The following DYNC1I1 variants were observed in gnomAD, a reference collection of about 807,000 sequenced individuals.
DYNC1I1 encodes cytoplasmic dynein 1 intermediate chain 1.
Under a neutral mutation model 86.6 loss-of-function variants are expected in DYNC1I1, and 43 were observed. The observed-to-expected ratio is 0.50, with a 90% CI of 0.39 to 0.64. The LOEUF is 0.64. Ranked by LOEUF, DYNC1I1 falls within the 30% of genes least tolerant of loss-of-function variation. The probability of loss-of-function intolerance (pLI) is 0.00; values close to 1 mark genes in which losing one functional copy is unlikely to be tolerated. For missense variants in DYNC1I1, 604 were observed against 788.8 expected, an observed-to-expected ratio of 0.77 and a Z score of 2.81; for synonymous variants, 262 against 283.7, an observed-to-expected ratio of 0.92 and a Z score of 0.77.
intron 6 of DYNC1I1, among the ~76,000 whole-genome samples, chr7:95,931,506 C>T (rs1275163577): frequency 1.9e-5 from 1 of 53,130 alleles, no homozygotes; most frequent in Admixed American, 2.3e-4. Flanking sequence ...GAAAATTCCA[C>T]TTGACTTATT....
chr7:95,995,185 T>C (rs889755923), intron 9 of DYNC1I1, among the ~76,000 whole-genome samples: 9 of 151,826 alleles, frequency 5.9e-5, no homozygotes, highest in African/African-American at 2.2e-4. Flanking sequence ...AGGTGGAGCT[T>C]GTAGTGAGCC....
In DYNC1I1 at chr7:95,933,652, T is replaced by G. The variant is rs1026937397; in HGVS notation, c.491-43860T>G. Among the ~76,000 whole-genome samples the G allele has an allele frequency of 1.1e-4, 16 of 152,220 alleles. No homozygotes were observed. In the South Asian group the frequency reaches 3.1e-3, roughly 30 times the overall value. On this transcript the variant is annotated intron_variant, in intron 6 of 16. Transcript: ENST00000447467. Reference sequence around the variant, plus strand: ...ATTTCTGTTCATGATAGACACACCATTTGAATCCAAACCCTTGCAGAGGTG... The same window carrying G: ...ATTTCTGTTCATGATAGACACACCAGTTGAATCCAAACCCTTGCAGAGGTG...
At chr7:96,041,169 G>A (rs1789036872) in intron 14 of DYNC1I1, among the ~76,000 whole-genome samples, 1 of 152,030 alleles carries the variant, frequency 6.6e-6, no homozygotes, top group African/African-American at 2.4e-5. Context: ...CAGCTTCATG[G>A]GTATTAATGG....
intron 6 of DYNC1I1, among the ~76,000 whole-genome samples, chr7:95,888,721 T>A (rs948665614): frequency 1.3e-5 from 2 of 152,202 alleles, no homozygotes; most frequent in African/African-American, 4.8e-5. Context: ...GGTTTCATTA[T>A]TTGCTGCTGA....
At chr7:95,953,969 C>T (rs562348081) in intron 6 of DYNC1I1, among the ~76,000 whole-genome samples, 1 of 152,112 alleles carries the variant, frequency 6.6e-6, no homozygotes, top group Non-Finnish European at 1.5e-5. Context: ...AAACAGAGAT[C>T]TCATTAATAT....
intron 14 of DYNC1I1, 39 bp downstream of exon 14, chr7:96,039,460 A>G (rs757877819): frequency 6.2e-7 from 1 of 1,612,292 alleles, no homozygotes; most frequent in South Asian, 1.1e-5. Flanking sequence ...ATAATACATA[A>G]GGGCAGAGGA....
intron 2 of DYNC1I1, among the ~76,000 whole-genome samples, chr7:95,805,366 T>G (rs1275809818): frequency 6.6e-6 from 1 of 152,136 alleles, no homozygotes; most frequent in East Asian, 1.9e-4. Context: ...ATATATATTT[T>G]TTATGGTAAA....
chr7:96,090,843 A>C (rs2116313058), intron 16 of DYNC1I1, among the ~76,000 whole-genome samples: 1 of 152,320 alleles, frequency 6.6e-6, no homozygotes, highest in East Asian at 1.9e-4. Context: ...TTTGTGGTAG[A>C]ACACTGTAGT....
At chr7:95,922,443 G>A (rs1733247937) in intron 6 of DYNC1I1, among the ~76,000 whole-genome samples, 4 of 151,948 alleles carry the variant, frequency 2.6e-5, no homozygotes, top group Non-Finnish European at 5.9e-5. Flanking sequence ...TATTTTGCTC[G>A]GTTTGCCTTT....
chr7:95,960,988 G>A (rs553793955), intron 6 of DYNC1I1, among the ~76,000 whole-genome samples: 1 of 152,370 alleles, frequency 6.6e-6, no homozygotes, highest in South Asian at 2.1e-4. Flanking sequence ...CAGTGGCTTG[G>A]CTGGAAGCCA....
At chr7:95,812,443 G>A (rs981342410) in intron 3 of DYNC1I1, among the ~76,000 whole-genome samples, 3 of 152,108 alleles carry the variant, frequency 2.0e-5, no homozygotes, top group Admixed American at 6.6e-5. Context: ...TATTATGCCT[G>A]CTCTCAGATT....
intron 5 of DYNC1I1, among the ~76,000 whole-genome samples, chr7:95,843,146 T>C (rs1222896159): frequency 6.6e-6 from 1 of 152,202 alleles, no homozygotes; most frequent in Non-Finnish European, 1.5e-5. Context: ...CTATTCTTAT[T>C]CTTGTGTAAA....
In DYNC1I1 at chr7:96,076,147, G is replaced by A. The variant is rs2116246543; in HGVS notation, c.1600G>A (p.Val534Met). The A allele has an allele frequency of 6.2e-7, 1 of 1,614,176 alleles. No individual in the cohort carries two copies. The highest frequency in any genetic ancestry group is 1.1e-5 in the South Asian group (1 of 91,088). ...SPVHPALFAC[V>M]DGMGRLDLWN... is the part of the protein sequence containing the mutation. ...CGTGCATCCTGCGCTTTTTGCCTGCGTGGACGGGATGGGGCGCTTGGACCT... is the reference window on the plus strand; with the variant it reads ...CGTGCATCCTGCGCTTTTTGCCTGCATGGACGGGATGGGGCGCTTGGACCT... The change falls in exon 15 of 17, where the codon GTG becomes ATG. Residue 534 changes from valine (V) to methionine (M), a missense_variant. Coordinates refer to ENST00000447467, the MANE Select transcript of DYNC1I1 (RefSeq NM_001135556.2).
intron 4 of DYNC1I1, among the ~76,000 whole-genome samples, chr7:95,817,601 C>T (rs917657885): frequency 2.0e-5 from 3 of 151,960 alleles, no homozygotes; most frequent in Non-Finnish European, 2.9e-5. Flanking sequence ...TTTTTAGATC[C>T]TCTCATAGAA....
At chr7:95,999,890 C>T (rs1442269962) in intron 10 of DYNC1I1, among the ~76,000 whole-genome samples, 1 of 152,020 alleles carries the variant, frequency 6.6e-6, no homozygotes, top group Non-Finnish European at 1.5e-5. Flanking sequence ...TTTGTCCCTC[C>T]CCCAACCCAG....
chr7:95,882,374 G>T (rs1197038343), intron 6 of DYNC1I1, among the ~76,000 whole-genome samples: 1 of 152,124 alleles, frequency 6.6e-6, no homozygotes, highest in Non-Finnish European at 1.5e-5. Flanking sequence ...GCTTTGGGAG[G>T]TGTCTATTTT....
chr7:96,071,518 A>C (rs1790159119), intron 14 of DYNC1I1, among the ~76,000 whole-genome samples: 1 of 152,172 alleles, frequency 6.6e-6, no homozygotes, highest in Non-Finnish European at 1.5e-5. Context: ...CAGATAATAT[A>C]ATTATAGTCC....
intron 10 of DYNC1I1, among the ~76,000 whole-genome samples, chr7:96,024,001 C>T (rs995920458): frequency 6.6e-6 from 1 of 152,126 alleles, no homozygotes; most frequent in African/African-American, 2.4e-5. Context: ...TAACGTAACA[C>T]TGTCTTTGTG....
At chr7:96,027,628 G>T (rs1794712413) in intron 10 of DYNC1I1, among the ~76,000 whole-genome samples, 1 of 152,146 alleles carries the variant, frequency 6.6e-6, no homozygotes, top group Non-Finnish European at 1.5e-5. Context: ...TTTAGGAGGA[G>T]CCAATTGGAT....
Sources: gnomAD v4.1 joint callset for allele counts (sites outside exome capture counted in the v4.1 genomes callset) on GRCh38, gnomAD v4.1.1 for gene constraint, MANE v1.5 for transcripts, NCBI Gene and HGNC (gene_info 2026-07-23, HGNC 2026-07-21) for gene names.